Variants in BANK1 observed in about 807,000 individuals in gnomAD.
BANK1 encodes the protein B-cell scaffold protein with ankyrin repeats.
Under a neutral mutation model 94.5 loss-of-function variants are expected in BANK1, and 95 were observed. The observed-to-expected ratio is 1.00, with a 90% CI of 0.85 to 1.19. The LOEUF (loss-of-function observed/expected upper bound fraction) is 1.19. Among genes scored for constraint, BANK1 ranks in the 50% most tolerant of loss-of-function variants. BANK1 has a pLI of 0.00. For synonymous variants in BANK1, 334 were observed against 308.4 expected (o/e 1.08, Z -0.87); for missense variants, 987 against 932.2 (o/e 1.06, Z -0.77).
At chr4:101,907,046 T>C (rs1722479695) in intron 6 of BANK1, among the ~76,000 whole-genome samples, 1 of 152,174 alleles carries the variant, frequency 6.6e-6, no homozygotes, top group African/African-American at 2.4e-5. Flanking sequence ...TTTCCATAGA[T>C]ATTAAATTAA....
rs533450778 is a variant in BANK1 at position 101,974,614 on chromosome 4, A to G, written c.1207-46900A>G. On this transcript the variant is annotated intron_variant, in intron 7 of 16. Transcript: ENST00000322953. ...TTGCCAGTAATGTTATATGGCCCTAAATCTAATACATTTTAAACTGTAGCT... is the reference window on the plus strand; with the variant it reads ...TTGCCAGTAATGTTATATGGCCCTAGATCTAATACATTTTAAACTGTAGCT... Among the ~76,000 whole-genome samples, 21 of 152,248 alleles carry G rather than the reference A, an allele frequency of 1.4e-4. 1 individual carries two copies. The South Asian group carries it at 4.4e-3, about 32-fold the overall frequency.
At chr4:101,836,209 G>A (rs764912886) in intron 2 of BANK1, among the ~76,000 whole-genome samples, 5 of 151,864 alleles carry the variant, frequency 3.3e-5, no homozygotes, top group East Asian at 3.9e-4. Context: ...TGCCTGGCGC[G>A]GTGGCTCACG....
At chr4:101,881,743 G>A (rs560975997) in intron 5 of BANK1, among the ~76,000 whole-genome samples, 30 of 152,264 alleles carry the variant, frequency 2.0e-4, no homozygotes, top group African/African-American at 7.2e-4. Flanking sequence ...CCACAAAATA[G>A]AATGAGATCC....
intron 7 of BANK1, among the ~76,000 whole-genome samples, chr4:101,997,172 C>T (rs901408441): frequency 1.3e-5 from 2 of 152,044 alleles, no homozygotes; most frequent in South Asian, 2.1e-4. Flanking sequence ...GTCCTTTCTG[C>T]GTCTATTGAG....
At chr4:101,984,738 G>C (rs1225964085) in intron 7 of BANK1, among the ~76,000 whole-genome samples, 2 of 151,954 alleles carry the variant, frequency 1.3e-5, no homozygotes, top group Non-Finnish European at 1.5e-5. Context: ...CATTCTCAGA[G>C]ACCTTTCAAA....
intron 7 of BANK1, among the ~76,000 whole-genome samples, chr4:101,994,923 T>C (rs1725826751): frequency 6.6e-6 from 1 of 152,180 alleles, no homozygotes; most frequent in South Asian, 2.1e-4. Context: ...TGAATTCTTA[T>C]TGTCATAATT....
At chr4:101,989,451 A>AG (rs1178516043) in intron 7 of BANK1, among the ~76,000 whole-genome samples, 2 of 151,578 alleles carry the variant, frequency 1.3e-5, no homozygotes, top group East Asian at 3.9e-4. Flanking sequence ...AAAAAAAAAA[A>AG]AAGCTTTTCT....
At chr4:101,862,798 T>C (rs1406994768) in intron 4 of BANK1, 134 bp downstream of exon 4, 1 of 911,400 alleles carries the variant, frequency 1.1e-6, no homozygotes, top group Non-Finnish European at 1.5e-6. Flanking sequence ...AGTTTTCACA[T>C]ACCCAAGGTT....
Position 102,068,478 on chromosome 4 carries a change from A to G in BANK1, c.2213-2797A>G, listed in dbSNP as rs575706647. On this transcript the variant is annotated intron_variant, in intron 13 of 16. Coordinates refer to ENST00000322953, the MANE Select transcript of BANK1 (RefSeq NM_017935.5). Reference sequence around the variant, plus strand: ...CAACAAGATACCTAAATTAGGAATTAAATTGGGTTACTACAACAGATCCTA... The same window carrying G: ...CAACAAGATACCTAAATTAGGAATTGAATTGGGTTACTACAACAGATCCTA... 1.7e-4 allele frequency among the ~76,000 whole-genome samples: 26 copies of G among 152,274 alleles called. No individual in the cohort carries two copies. In the South Asian group the frequency reaches 5.4e-3, roughly 32 times the overall value.
rs189331793 is a variant in BANK1, at chr4:101,942,007, T to C, written c.1206+23818T>C. ...GTACCATTTTGAGCCACTTCAGTAA[T>C]TGGACTTCATGGAAGAGAGTAAGAA... On this transcript the variant is annotated intron_variant, in intron 7 of 16. Coordinates refer to ENST00000322953, the MANE Select transcript of BANK1 (RefSeq NM_017935.5). Among the ~76,000 whole-genome samples the C allele has an allele frequency of 2.4e-4, 37 of 151,894 alleles. No homozygotes were observed. In the East Asian group the frequency reaches 3.3e-3, roughly 14 times the overall value.
chr4:101,999,707 A>G (rs1168926916), intron 7 of BANK1, among the ~76,000 whole-genome samples: 1 of 152,204 alleles, frequency 6.6e-6, no homozygotes, highest in African/African-American at 2.4e-5. Context: ...TATATAACAA[A>G]TACTTTTGTA....
chr4:101,851,678 C>T (rs1020159091), intron 2 of BANK1, among the ~76,000 whole-genome samples: 5 of 152,136 alleles, frequency 3.3e-5, no homozygotes, highest in African/African-American at 9.7e-5. Context: ...ACACATTTAA[C>T]CCTTGGAAAA....
At chr4:101,992,849 A>T (rs1725752520) in intron 7 of BANK1, among the ~76,000 whole-genome samples, 1 of 152,200 alleles carries the variant, frequency 6.6e-6, no homozygotes, top group South Asian at 2.1e-4. Flanking sequence ...CGGAGATCTA[A>T]AAAAGGTACT....
chr4:102,019,208 A>T (rs1352076113), intron 7 of BANK1, among the ~76,000 whole-genome samples: 4 of 152,228 alleles, frequency 2.6e-5, no homozygotes, highest in Non-Finnish European at 4.4e-5. Context: ...GATTATTTTT[A>T]AAATGGGAAA....
chr4:101,819,445 A>G (rs12647112), intron 1 of BANK1, among the ~76,000 whole-genome samples: 26,521 of 151,980 alleles, frequency 0.17, 3,415 homozygotes, highest in African/African-American at 0.34. Flanking sequence ...CACCCCAAAC[A>G]AGAATTGTTT....
At chr4:101,950,220 ATTCTGT>A (rs1352676507) in intron 7 of BANK1, among the ~76,000 whole-genome samples, 1 of 152,094 alleles carries the variant, frequency 6.6e-6, no homozygotes, top group Non-Finnish European at 1.5e-5. Context: ...TTCTATTATT[ATTCTGT>A]TTCTACTTTC....
intron 7 of BANK1, among the ~76,000 whole-genome samples, chr4:101,947,284 A>AAG (rs1723961429): frequency 1.7e-5 from 1 of 58,236 alleles, no homozygotes; most frequent in Non-Finnish European, 5.4e-5. Flanking sequence ...AGAAGTTGTA[A>AAG]ATATATATAT....
intron 7 of BANK1, among the ~76,000 whole-genome samples, chr4:102,007,841 T>G (rs554378788): frequency 6.6e-6 from 1 of 152,262 alleles, no homozygotes; most frequent in East Asian, 1.9e-4. Flanking sequence ...TTTTAAATGA[T>G]TACTAAATTT....
At chr4:101,798,833 G>T (rs1479417605) in intron 1 of BANK1, among the ~76,000 whole-genome samples, 6 of 152,000 alleles carry the variant, frequency 3.9e-5, no homozygotes, top group Admixed American at 2.0e-4. Context: ...GTAAATTTGT[G>T]TAAGTTCTTT....
Sources: allele counts gnomAD v4.1 joint callset (sites outside exome capture counted in the v4.1 genomes callset), GRCh38; gene constraint gnomAD v4.1.1; transcripts MANE v1.5; gene names NCBI Gene and HGNC (gene_info 2026-07-23, HGNC 2026-07-21).